Variants in ATP11C observed in about 807,000 individuals in gnomAD.
The protein encoded by ATP11C is phospholipid-transporting ATPase IG.
A neutral mutation model predicts 97.4 loss-of-function variants in ATP11C; 36 were observed. That is an observed-to-expected ratio of 0.37 (90% CI 0.28 to 0.49). ATP11C has a LOEUF of 0.49. Ranked by LOEUF, ATP11C falls within the 20% of genes least tolerant of loss-of-function variation. ATP11C has a pLI of 0.98. For synonymous variants in ATP11C, 275 were observed against 290.9 expected (o/e 0.95, Z 0.56); for missense variants, 730 against 824.6 (o/e 0.89, Z 1.40).
chrX:139,933,636 ACT>A (rs1477883120), upstream of ATP11C, among the ~76,000 whole-genome samples: 5 of 111,523 alleles, frequency 4.5e-5, no homozygotes, highest in African/African-American at 1.6e-4. Flanking sequence ...GAGTTCAGAG[ACT>A]CTTACACGAG....
chrX:139,839,401 A>G (rs1032912248), intron 1 of ATP11C, among the ~76,000 whole-genome samples: 5 of 112,429 alleles, frequency 4.4e-5, no homozygotes, highest in African/African-American at 1.6e-4. Flanking sequence ...TCAATAAAAA[A>G]GTAACTCCCT....
chrX:139,789,125 C>T (rs1163662635), intron 13 of ATP11C, among the ~76,000 whole-genome samples: 1 of 109,631 alleles, frequency 9.1e-6, no homozygotes, highest in Non-Finnish European at 1.9e-5. Context: ...ATCGCTTGAA[C>T]CTGGGAAGCG....
chrX:139,807,166 T>C (rs1013346689), intron 5 of ATP11C, among the ~76,000 whole-genome samples: 3 of 110,386 alleles, frequency 2.7e-5, no homozygotes, highest in African/African-American at 9.9e-5. Context: ...AAACAAGAAA[T>C]AGCAGTCTAC....
Position 139,932,770 on chromosome X carries a change from A to G in ATP11C, c.-728T>C, listed in dbSNP as rs905094391. The G allele has an allele frequency of 6.3e-5, 7 of 111,585 alleles. No homozygotes were observed. Among genetic ancestry groups the G allele is most frequent in the African/African-American group, 2.0e-4 (6 of 30,528 alleles). 9.2% of individuals were successfully genotyped at this position (111,585 alleles called of 1,213,427 possible). A position where few individuals can be genotyped will look rare whatever the true frequency, so the allele number is the denominator to read the frequency against. ...ACAGCCAACCGGCCCGCCCTGAGCC[A>G]GCCGACGGCCAGACTCCCTCTTCCG... is the stretch of plus-strand genomic sequence containing the variant. On this transcript the variant is annotated 5_prime_UTR_variant, in exon 1 of 30. Coordinates refer to ENST00000682941, the MANE Select transcript of ATP11C (RefSeq NM_001353812.2).
rs71974305 is a variant in ATP11C at position 139,916,228 on chromosome X, T to TAA, written c.27+15786_27+15787dup. Among the ~76,000 whole-genome samples, 228 of 91,820 alleles carry TAA rather than the reference T, an allele frequency of 2.5e-3. 2 individuals are homozygous for TAA. Among genetic ancestry groups the TAA allele is most frequent in the African/African-American group, 2.8e-3 (70 of 25,131 alleles). 79.7% of individuals were successfully genotyped at this position (91,820 alleles called of 115,157 possible). A position where few individuals can be genotyped will look rare whatever the true frequency, so the allele number is the denominator to read the frequency against. On this transcript the variant is annotated intron_variant, in intron 1 of 29. Transcript: ENST00000682941. ...TGGGTAACAGAGCAAGACTCTGTCTTAAAAAAAAAAAAAAAAGACTGGACA... is the reference window on the plus strand; with the variant it reads ...TGGGTAACAGAGCAAGACTCTGTCTTAAAAAAAAAAAAAAAAAAGACTGGACA...
chrX:139,757,036 CAAG>C (rs1158065520), intron 23 of ATP11C, among the ~76,000 whole-genome samples: 2 of 107,206 alleles, frequency 1.9e-5, no homozygotes, highest in Non-Finnish European at 3.8e-5. Flanking sequence ...CAGGAGGACC[CAAG>C]AAGAATACAT....
chrX:139,776,761 A>T (rs1296460043), intron 18 of ATP11C, among the ~76,000 whole-genome samples: 1 of 111,883 alleles, frequency 8.9e-6, no homozygotes, highest in African/African-American at 3.3e-5. Context: ...ACTTGCTGCC[A>T]GAAGGGCTTA....
upstream of ATP11C, among the ~76,000 whole-genome samples, chrX:139,934,092 A>C: frequency 8.9e-6 from 1 of 112,048 alleles, no homozygotes; most frequent in East Asian, 2.8e-4. Context: ...AAGGGGACAA[A>C]GTCCAGGGTA....
At chrX:139,889,347 T>C (rs2084694017) in intron 1 of ATP11C, among the ~76,000 whole-genome samples, 2 of 111,861 alleles carry the variant, frequency 1.8e-5, no homozygotes, top group Admixed American at 9.6e-5. Context: ...CCCATTTATA[T>C]GGAATTCTAG....
At chrX:139,851,650 A>C (rs887950048) in intron 1 of ATP11C, among the ~76,000 whole-genome samples, 4 of 111,977 alleles carry the variant, frequency 3.6e-5, no homozygotes, top group Non-Finnish European at 7.5e-5. Context: ...CCTGTGAGTT[A>C]CTGAGTGCAC....
chrX:139,870,773 G>A (rs2084359255), intron 1 of ATP11C, among the ~76,000 whole-genome samples: 1 of 112,176 alleles, frequency 8.9e-6, no homozygotes, highest in African/African-American at 3.2e-5. Flanking sequence ...AAAGATACAC[G>A]CGGCCAGGCG....
At position 139,868,561 on chromosome X, in the gene ATP11C, C is replaced by CA. The variant is rs370631053; in HGVS notation, c.28-41739dup. Among the ~76,000 whole-genome samples the CA allele has an allele frequency of 6.8e-3, 535 of 78,669 alleles. 4 individuals are homozygous for CA. Among genetic ancestry groups the CA allele is most frequent in the African/African-American group, 0.019 (399 of 21,408 alleles). 68.3% of individuals were successfully genotyped at this position (78,669 alleles called of 115,157 possible). The stretch of plus-strand genomic sequence containing the variant: ...TGAAACCCCATCTCTACTAAAAGTA[C>CA]AAAAAAAAAAAAAAATTAGCCAGGC... On this transcript the variant is annotated intron_variant, in intron 1 of 29. Transcript: ENST00000682941.
intron 16 of ATP11C, among the ~76,000 whole-genome samples, chrX:139,783,775 A>C (rs2082514135): frequency 1.8e-5 from 2 of 110,251 alleles, no homozygotes; most frequent in Admixed American, 1.9e-4. Context: ...CTGGATGCTG[A>C]GGTGGAAGGA....
chrX:139,782,597 A>ATC lies in ATP11C; in HGVS notation c.1900_1901dup (p.Asp634GlufsTer8). On this transcript the variant is annotated frameshift_variant, in exon 18 of 30. Coordinates refer to ENST00000682941, the MANE Select transcript of ATP11C (RefSeq NM_001353812.2). LOFTEE classifies it high-confidence loss of function. ...TTAAATTCATGTTTGTCTCAATATCATCGAAAACTTTTTCCATTTTTTCTT... is the reference window on the plus strand; with the variant it reads ...TTAAATTCATGTTTGTCTCAATATCATCTCGAAAACTTTTTCCATTTTTTCTT... 8.3e-7 allele frequency: 1 copy of ATC among 1,207,727 alleles called. No individual in the cohort carries two copies. Among genetic ancestry groups the ATC allele is most frequent in the Non-Finnish European group, 1.1e-6 (1 of 893,162 alleles).
intron 1 of ATP11C, among the ~76,000 whole-genome samples, chrX:139,900,605 G>C (rs1016537589): frequency 9.0e-6 from 1 of 111,599 alleles, no homozygotes; most frequent in Non-Finnish European, 1.9e-5. Context: ...TTAAAGTTCA[G>C]GTTTGAGTAG....
At chrX:139,820,104 T>C (rs969649558) in intron 2 of ATP11C, among the ~76,000 whole-genome samples, 4 of 110,026 alleles carry the variant, frequency 3.6e-5, no homozygotes, top group Non-Finnish European at 7.6e-5. Flanking sequence ...GAGAATCGCT[T>C]AAACCTGGGA....
chrX:139,741,166 T>A, intron 26 of ATP11C, 72 bp from the exon 27 acceptor site: 2 of 622,982 alleles, frequency 3.2e-6, no homozygotes, highest in Non-Finnish European at 5.3e-6. Flanking sequence ...TAGTATCTGA[T>A]AACTAGTACA....
At chrX:139,808,707 A>C (rs1176506076) in intron 5 of ATP11C, among the ~76,000 whole-genome samples, 2 of 112,690 alleles carry the variant, frequency 1.8e-5, no homozygotes, top group East Asian at 2.8e-4. Context: ...AAAATACTAC[A>C]GAAAGCTCTT....
intron 3 of ATP11C, among the ~76,000 whole-genome samples, chrX:139,817,886 A>T: frequency 8.9e-6 from 1 of 112,080 alleles, no homozygotes; most frequent in East Asian, 2.8e-4. Flanking sequence ...GGAAATACTG[A>T]AAAAGAACTA....
Sources: allele counts gnomAD v4.1 joint callset (sites outside exome capture counted in the v4.1 genomes callset), GRCh38; gene constraint gnomAD v4.1.1; transcripts MANE v1.5; gene names NCBI Gene and HGNC (gene_info 2026-07-23, HGNC 2026-07-21).